The following PI4KA variants were observed in gnomAD, a reference collection of about 807,000 sequenced individuals.
The protein encoded by PI4KA is PI4-kinase alpha.
PI4KA carries 122 observed loss-of-function variants against 271.4 expected under a neutral mutation model. The observed-to-expected ratio is 0.45, with a 90% CI of 0.39 to 0.52. PI4KA has a LOEUF of 0.52. Ranked by LOEUF, PI4KA falls within the 20% of genes least tolerant of loss-of-function variation. PI4KA has a pLI of 0.00. For synonymous variants in PI4KA, 1,041 were observed against 1,078.8 expected, an observed-to-expected ratio of 0.96 and a Z score of 0.69; for missense variants, 1,969 against 2,769.1, an observed-to-expected ratio of 0.71 and a Z score of 6.48.
chr22:20,807,578 C>A, intron 9 of PI4KA, 120 bp from the exon 10 acceptor site: 1 of 638,776 alleles, frequency 1.6e-6, no homozygotes. Context: ...AATGAAGCAA[C>A]TGTTTATCAT....
intron 1 of PI4KA, among the ~76,000 whole-genome samples, chr22:20,855,719 T>C (rs1665748844): frequency 6.6e-6 from 1 of 152,180 alleles, no homozygotes; most frequent in African/African-American, 2.4e-5. Flanking sequence ...CCCAGGAAAG[T>C]CCATTAGAGA....
chr22:20,721,131 T>A (rs140180615), intron 43 of PI4KA, among the ~76,000 whole-genome samples, 167 bp downstream of exon 43: 1 of 152,254 alleles, frequency 6.6e-6, no homozygotes, highest in African/African-American at 2.4e-5. Flanking sequence ...GGAGGGGTCC[T>A]GCTCCCCTGT....
intron 50 of PI4KA, 154 bp from the exon 51 acceptor site, chr22:20,711,615 T>G (rs929479906): frequency 3.8e-6 from 3 of 784,464 alleles, no homozygotes; most frequent in Non-Finnish European, 6.2e-6. Context: ...CAGTCTTCGG[T>G]AGCAGGAGTG....
At chr22:20,738,526 T>C (rs1028979428) in intron 32 of PI4KA, among the ~76,000 whole-genome samples, 5 of 152,128 alleles carry the variant, frequency 3.3e-5, no homozygotes, top group African/African-American at 1.2e-4. Flanking sequence ...ACAGCAAGTG[T>C]GACATCTCTT....
intron 23 of PI4KA, 146 bp from the exon 24 acceptor site, chr22:20,753,326 C>G (rs919417147): frequency 1.4e-6 from 1 of 712,258 alleles, no homozygotes; most frequent in African/African-American, 1.8e-5. Context: ...CACCTAGCTT[C>G]CCTGGATTTT....
intron 1 of PI4KA, among the ~76,000 whole-genome samples, chr22:20,846,573 T>C (rs892691329): frequency 2.0e-5 from 3 of 152,036 alleles, no homozygotes; most frequent in African/African-American, 7.2e-5. Context: ...TCAGGCACAG[T>C]GGCCCATGCC....
intron 7 of PI4KA, among the ~76,000 whole-genome samples, chr22:20,817,733 C>CA (rs1569068087): frequency 4.7e-5 from 1 of 21,394 alleles, no homozygotes. Context: ...GACTCTCTCT[C>CA]CAAAAAAAAA....
intron 23 of PI4KA, among the ~76,000 whole-genome samples, chr22:20,758,459 CTTTTTTTT>C (rs35401829): frequency 2.5e-4 from 21 of 85,022 alleles, no homozygotes; most frequent in African/African-American, 1.0e-3. Context: ...TCTTTCTTTT[CTTTTTTTT>C]TTTTTTTTTT....
intron 19 of PI4KA, among the ~76,000 whole-genome samples, chr22:20,770,683 A>G (rs911605191): frequency 6.6e-6 from 1 of 151,656 alleles, no homozygotes; most frequent in Non-Finnish European, 1.5e-5. Flanking sequence ...CCAAAATTTT[A>G]AACCTGGTAA....
chr22:20,770,579 GACACAC>G (rs528696021), intron 19 of PI4KA, among the ~76,000 whole-genome samples: 10,473 of 95,862 alleles, frequency 0.11, 656 homozygotes, highest in African/African-American at 0.17. Context: ...GCTGGACACG[GACACAC>G]ACACACACAC....
At chr22:20,751,866 A>T in intron 25 of PI4KA, 111 bp from the exon 26 acceptor site, 1 of 895,644 alleles carries the variant, frequency 1.1e-6, no homozygotes, top group Non-Finnish European at 1.8e-6. Context: ...AGGCCAGCTG[A>T]AGGAGGAGGT....
intron 54 of PI4KA, among the ~76,000 whole-genome samples, chr22:20,708,322 C>T (rs900159279): frequency 7.9e-5 from 12 of 152,136 alleles, no homozygotes; most frequent in South Asian, 6.2e-4. Flanking sequence ...CGCTTCCATC[C>T]GTGGGAGCCA....
At chr22:20,713,258 A>C (rs762683181) in intron 48 of PI4KA, 23 bp downstream of exon 48, 1 of 1,504,902 alleles carries the variant, frequency 6.6e-7, no homozygotes, top group Non-Finnish European at 9.1e-7. Context: ...CCCCAAGCCT[A>C]CTCGAGGCCT....
intron 19 of PI4KA, among the ~76,000 whole-genome samples, chr22:20,773,350 C>G (rs1056679493): frequency 6.6e-6 from 1 of 152,168 alleles, no homozygotes; most frequent in Non-Finnish European, 1.5e-5. Context: ...CGCACCACTG[C>G]ACTCCAGCAT....
rs370937075 is a variant in PI4KA at position 20,833,220 on chromosome 22, G to C, written c.367+1342C>G. ...CTGGGGGGCTGGTATTGGGCACTCA[G>C]CTTTGTTCTCTGGCTCTCTGAGGTT... On this transcript the variant is annotated intron_variant, in intron 3 of 54. Coordinates refer to ENST00000255882, the MANE Select transcript of PI4KA (RefSeq NM_058004.4). Among the ~76,000 whole-genome samples the C allele has an allele frequency of 1.1e-4, 16 of 152,258 alleles. No homozygotes were observed. In the South Asian group the frequency reaches 2.9e-3, roughly 28 times the overall value.
At chr22:20,758,970 G>T (rs533170991) in intron 23 of PI4KA, among the ~76,000 whole-genome samples, 1 of 152,318 alleles carries the variant, frequency 6.6e-6, no homozygotes, top group African/African-American at 2.4e-5. Flanking sequence ...CTGTTGTACA[G>T]CAGTGTGAAG....
intron 9 of PI4KA, among the ~76,000 whole-genome samples, chr22:20,807,841 G>C (rs1219006674): frequency 6.6e-6 from 1 of 151,934 alleles, no homozygotes; most frequent in East Asian, 1.9e-4. Flanking sequence ...ATCATCCCAA[G>C]GATACAAATT....
chr22:20,737,327 A>G (rs1224873105), intron 32 of PI4KA, among the ~76,000 whole-genome samples: 1 of 152,172 alleles, frequency 6.6e-6, no homozygotes, highest in Non-Finnish European at 1.5e-5. Context: ...CAGAACTCTG[A>G]AGGAGGCTGT....
chr22:20,756,638 AT>A (rs368359062), intron 23 of PI4KA, among the ~76,000 whole-genome samples: 10,528 of 147,208 alleles, frequency 0.072, 350 homozygotes, highest in East Asian at 0.083. Context: ...ATTAAAAAAA[AT>A]TTTTTTTTTG....
Sources: gnomAD v4.1 joint callset for allele counts (sites outside exome capture counted in the v4.1 genomes callset) on GRCh38, gnomAD v4.1.1 for gene constraint, MANE v1.5 for transcripts, NCBI Gene and HGNC (gene_info 2026-07-23, HGNC 2026-07-21) for gene names.